Variants in ROBO2 observed in about 807,000 individuals in gnomAD.
ROBO2 encodes the protein roundabout homolog 2.
In ROBO2, 53 loss-of-function variants were observed where a neutral mutation model predicts 160.8. That is an observed-to-expected ratio of 0.33 (90% CI 0.26 to 0.41). The LOEUF (loss-of-function observed/expected upper bound fraction) is 0.41. ROBO2 is among the 10% of genes least tolerant of loss of function. The probability of loss-of-function intolerance (pLI) is 1.00; values close to 1 mark genes in which losing one functional copy is unlikely to be tolerated. For missense variants in ROBO2, 1,577 were observed against 1,722.4 expected (o/e 0.92, Z 1.49); for synonymous variants, 664 against 611.7 (o/e 1.09, Z -1.26).
chr3:76,636,893 A>G (rs971856018), intron 2 of ROBO2, among the ~76,000 whole-genome samples: 5 of 152,106 alleles, frequency 3.3e-5, no homozygotes, highest in Non-Finnish European at 7.3e-5. Context: ...AATAGTATTG[A>G]TATCAGCCAG....
Position 77,294,484 on chromosome 3 carries a change from G to T in ROBO2, c.389-182930G>T, listed in dbSNP as rs183030975. ...ATTGACGGGTAAACGGGTAAGCTGA[G>T]GCTAGATCACCCCAGACATTAAGTA... On this transcript the variant is annotated intron_variant, in intron 2 of 25. Transcript: ENST00000461745. Among the ~76,000 whole-genome samples, 5 of 144,846 alleles carry T rather than the reference G, an allele frequency of 3.5e-5. No individual in the cohort carries two copies. In the East Asian group the frequency reaches 1.0e-3, roughly 29 times the overall value.
intron 2 of ROBO2, among the ~76,000 whole-genome samples, chr3:76,923,003 TAA>T (rs2076763897): frequency 6.6e-6 from 1 of 152,188 alleles, no homozygotes; most frequent in Admixed American, 6.5e-5. Flanking sequence ...CTCAGTGAAA[TAA>T]AGTTTTGTTT....
At chr3:76,733,186 G>C (rs1204430701) in intron 2 of ROBO2, among the ~76,000 whole-genome samples, 1 of 152,110 alleles carries the variant, frequency 6.6e-6, no homozygotes, top group Non-Finnish European at 1.5e-5. Flanking sequence ...GATTCTTCAG[G>C]CTGTGTCCCT....
At chr3:77,545,250 A>G (rs75734566) in intron 6 of ROBO2, among the ~76,000 whole-genome samples, 1,776 of 152,248 alleles carry the variant, frequency 0.012, 22 homozygotes, top group Non-Finnish European at 0.018. Flanking sequence ...TTTGTAGCCA[A>G]AAGTGTTTAC....
intron 2 of ROBO2, chr3:77,317,070 G>GA (rs2064072707): frequency 7.0e-7 from 1 of 1,438,234 alleles, no homozygotes; most frequent in East Asian, 2.3e-5. Context: ...TGTGAAGCTG[G>GA]AATTCATCAG....
At chr3:77,062,306 T>C (rs1468859081) in intron 1 of ROBO2, among the ~76,000 whole-genome samples, 2 of 152,188 alleles carry the variant, frequency 1.3e-5, no homozygotes, top group Non-Finnish European at 2.9e-5. Context: ...CAGAGGTGTT[T>C]AAACCCAATT....
chr3:76,811,372 G>A lies in ROBO2; in HGVS notation c.110-286642G>A, dbSNP rs549677451. Among the ~76,000 whole-genome samples, 9 of 152,204 alleles carry A rather than the reference G, an allele frequency of 5.9e-5. No individual in the cohort carries two copies. In the South Asian group the frequency reaches 6.2e-4, roughly 11 times the overall value. ...ATTTTCTTATCAGTAAAATAATATT[G>A]CTTATGTCATACCTTAAAAGGATGA... is the stretch of plus-strand genomic sequence containing the variant. On this transcript the variant is annotated intron_variant, in intron 2 of 26. Transcript: ENST00000487694.
chr3:77,161,857 G>A lies in ROBO2; in HGVS notation c.388+63517G>A, dbSNP rs187817224. Among the ~76,000 whole-genome samples, 82 of 151,336 alleles carry A rather than the reference G, an allele frequency of 5.4e-4. 1 individual carries two copies. The East Asian group carries it at 0.014, about 26-fold the overall frequency. On this transcript the variant is annotated intron_variant, in intron 2 of 25. Transcript: ENST00000461745. ...TTGTCATGGTTTTTTACTAAAGCAT[G>A]TAGTTCTTCTTCTGTACAGAAACAT...
At chr3:76,068,997 A>G (rs2068353800) in intron 2 of ROBO2, among the ~76,000 whole-genome samples, 1 of 151,922 alleles carries the variant, frequency 6.6e-6, no homozygotes, top group South Asian at 2.1e-4. Context: ...TCTCAATTAC[A>G]GCACAGAAGG....
chr3:76,272,102 T>A (rs1204078214), intron 2 of ROBO2, among the ~76,000 whole-genome samples: 1 of 152,168 alleles, frequency 6.6e-6, no homozygotes, highest in African/African-American at 2.4e-5. Flanking sequence ...AAAAGTAAGT[T>A]ATTATTGCAA....
chr3:77,568,432 A>G (rs2093551011), exon 13 of ROBO2: 1 of 1,612,642 alleles, frequency 6.2e-7, no homozygotes, highest in Non-Finnish European at 8.5e-7. Context: ...GGTCACATGG[A>G]CGGTAAGCTT....
chr3:76,434,499 T>G, intron 2 of ROBO2: 1 of 1,558,214 alleles, frequency 6.4e-7, no homozygotes, highest in Non-Finnish European at 8.8e-7. Context: ...ACAAACCGAG[T>G]CCTCAAAGAG....
Position 77,308,474 on chromosome 3 carries a change from T to A in ROBO2, c.389-168940T>A, listed in dbSNP as rs532495735. ...CCTGGGACTCCCAACGTTGTGTCAG[T>A]GACGCTGGATATATCCAAATAGACT... On this transcript the variant is annotated intron_variant, in intron 2 of 25. Transcript: ENST00000461745. Among the ~76,000 whole-genome samples the A allele has an allele frequency of 3.3e-5, 5 of 152,248 alleles. 1 individual carries two copies. Among genetic ancestry groups the A allele is most frequent in the African/African-American group, 1.2e-4 (5 of 41,550 alleles).
intron 2 of ROBO2, among the ~76,000 whole-genome samples, chr3:76,699,554 A>G (rs531279203): frequency 1.4e-4 from 21 of 152,140 alleles, no homozygotes; most frequent in Non-Finnish European, 3.1e-4. Context: ...CTTTGTTTTA[A>G]ATTGCTGCCC....
At chr3:75,985,256 G>A (rs1333186553) in intron 2 of ROBO2, among the ~76,000 whole-genome samples, 1 of 151,412 alleles carries the variant, frequency 6.6e-6, no homozygotes, top group Admixed American at 6.6e-5. Flanking sequence ...ATATCCGTAA[G>A]TGAAGACAGA....
chr3:76,601,423 G>A (rs1463077603), intron 2 of ROBO2, among the ~76,000 whole-genome samples: 2 of 152,176 alleles, frequency 1.3e-5, no homozygotes, highest in Non-Finnish European at 2.9e-5. Flanking sequence ...TTTAGCCTGG[G>A]CATCCAGGCA....
chr3:77,640,167 A>G (rs1299781454), intron 24 of ROBO2, among the ~76,000 whole-genome samples: 3 of 117,326 alleles, frequency 2.6e-5, no homozygotes, highest in African/African-American at 9.9e-5. Context: ...GCTGGAGTAC[A>G]GTGGGGCGAT....
Position 77,328,698 on chromosome 3 carries a change from G to A in ROBO2, c.389-148716G>A, listed in dbSNP as rs1028534089. The stretch of plus-strand genomic sequence containing the variant: ...AACCTTTTCACATTGCATTGCCCCT[G>A]TTAATGTTTCACAACACTTTATACT... On this transcript the variant is annotated intron_variant, in intron 2 of 25. Coordinates refer to ENST00000461745, the Ensembl canonical transcript of ROBO2. Among the ~76,000 whole-genome samples the A allele has an allele frequency of 2.6e-5, 4 of 152,110 alleles. No homozygotes were observed. In the South Asian group the frequency reaches 8.3e-4, roughly 32 times the overall value.
At chr3:76,269,532 C>A (rs1186685199) in intron 2 of ROBO2, among the ~76,000 whole-genome samples, 1 of 151,036 alleles carries the variant, frequency 6.6e-6, no homozygotes, top group Non-Finnish European at 1.5e-5. Context: ...CTTTTTGTCT[C>A]AGTTACACAT....
Sources: allele counts gnomAD v4.1 joint callset (sites outside exome capture counted in the v4.1 genomes callset), GRCh38; gene constraint gnomAD v4.1.1; transcripts MANE v1.5; gene names NCBI Gene and HGNC (gene_info 2026-07-23, HGNC 2026-07-21).